PTPRJ: variants seen among roughly 807,000 people sequenced by gnomAD.
PTPRJ encodes the protein receptor-type tyrosine-protein phosphatase eta.
Under a neutral mutation model 141.3 loss-of-function variants are expected in PTPRJ, and 129 were observed. That is an observed-to-expected ratio of 0.91 (90% CI 0.79 to 1.06). The LOEUF is 1.06. PTPRJ is among the 50% of genes least tolerant of loss of function. The pLI is 0.00. For missense variants in PTPRJ, 1,601 were observed against 1,679.7 expected (o/e 0.95, Z 0.82); for synonymous variants, 610 against 640.5 (o/e 0.95, Z 0.72).
chr11:48,086,137 G>C (rs1855700928), intron 1 of PTPRJ, among the ~76,000 whole-genome samples: 1 of 152,146 alleles, frequency 6.6e-6, no homozygotes, highest in African/African-American at 2.4e-5. Flanking sequence ...GCTGAACAAG[G>C]GTTGCCTGTG....
chr11:48,137,432 C>A (rs1857130948), intron 10 of PTPRJ, 151 bp downstream of exon 10: 2 of 764,676 alleles, frequency 2.6e-6, no homozygotes, highest in Non-Finnish European at 4.2e-6. Context: ...CTTATCGGTG[C>A]TGTCTCGATG....
intron 1 of PTPRJ, among the ~76,000 whole-genome samples, chr11:47,994,095 C>T (rs896454358): frequency 2.0e-5 from 3 of 151,316 alleles, no homozygotes; most frequent in Non-Finnish European, 4.4e-5. Context: ...TCTTGAGCTC[C>T]GGCAATCCAC....
At chr11:48,028,819 T>C (rs1379429609) in intron 1 of PTPRJ, among the ~76,000 whole-genome samples, 3 of 152,010 alleles carry the variant, frequency 2.0e-5, no homozygotes, top group Non-Finnish European at 4.4e-5. Context: ...CAAAAAACCT[T>C]GTGTGGGTGA....
intron 1 of PTPRJ, among the ~76,000 whole-genome samples, chr11:48,073,768 A>G (rs570294051): frequency 2.4e-3 from 365 of 151,586 alleles, no homozygotes; most frequent in Non-Finnish European, 4.7e-3. Context: ...AAAAATTTCT[A>G]TGTATATGTG....
At position 48,121,003 on chromosome 11, in the gene PTPRJ, G is replaced by T; in HGVS notation, c.353G>T (p.Gly118Val). Residue 118 changes from glycine (G) to valine (V), a missense_variant and splice_region_variant, in exon 4 of 25, where the codon GGG becomes GTG. Physicochemically the swap from Gly to Val is moderately radical, Grantham distance 109. Transcript: ENST00000418331. ...TTTTTTTTTTTTTTTAACAATATAG[G>T]GCCCAGTCCTGTGTTTGACATTAAA... The part of the protein sequence containing the change: ...GASQKTPSST[G>V]PSPVFDIKAV... The T allele has an allele frequency of 6.3e-7, 1 of 1,576,066 alleles. No individual in the cohort carries two copies. The highest frequency in any genetic ancestry group is 8.6e-7 in the Non-Finnish European group (1 of 1,160,606).
At chr11:48,046,889 C>CATATAT (rs1243672838) in intron 1 of PTPRJ, among the ~76,000 whole-genome samples, 34 of 76,906 alleles carry the variant, frequency 4.4e-4, no homozygotes, top group South Asian at 9.3e-4. Flanking sequence ...AATATGTTTA[C>CATATAT]ATATATATAT....
intron 1 of PTPRJ, among the ~76,000 whole-genome samples, chr11:48,009,167 G>A (rs1283612051): frequency 2.0e-5 from 3 of 152,176 alleles, no homozygotes; most frequent in African/African-American, 4.8e-5. Flanking sequence ...AGTATTGAGC[G>A]GTGGAGGATT....
chr11:48,048,650 C>T (rs977952917), intron 1 of PTPRJ, among the ~76,000 whole-genome samples: 3 of 151,956 alleles, frequency 2.0e-5, no homozygotes, highest in Non-Finnish European at 2.9e-5. Context: ...AAAAATTAAC[C>T]GGGTGTGATG....
intron 8 of PTPRJ, chr11:48,132,820 GTCAC>G: frequency 1.5e-6 from 1 of 675,882 alleles, no homozygotes; most frequent in Non-Finnish European, 1.8e-6. Context: ...AGCACCGATA[GTCAC>G]TCAGAGGATC....
In PTPRJ at chr11:48,098,668, G is replaced by C. The variant is rs547801920; in HGVS notation, c.97-11390G>C. Among the ~76,000 whole-genome samples, 457 of 60,736 alleles carry C rather than the reference G, an allele frequency of 7.5e-3. 123 individuals are homozygous for C. Among genetic ancestry groups the C allele is most frequent in the African/African-American group, 0.017 (443 of 26,454 alleles). The allele number at this position is 60,736 out of a possible 152,430, so 39.8% of individuals were successfully genotyped here. On this transcript the variant is annotated intron_variant, in intron 1 of 24. Coordinates refer to ENST00000418331, the MANE Select transcript of PTPRJ (RefSeq NM_002843.4). ...CCTGTGTAGCTGGGACTACAGGCAC[G>C]CGCCACCATGCCCGGCTAATTTTTG...
intron 15 of PTPRJ, among the ~76,000 whole-genome samples, chr11:48,147,286 C>T (rs1373433495): frequency 6.6e-6 from 1 of 152,200 alleles, no homozygotes; most frequent in African/African-American, 2.4e-5. Flanking sequence ...TAAGTTTGAA[C>T]ACCAGCTCTG....
intron 1 of PTPRJ, among the ~76,000 whole-genome samples, chr11:48,053,954 C>T (rs191571681): frequency 6.2e-5 from 7 of 113,072 alleles, no homozygotes; most frequent in Non-Finnish European, 8.8e-5. Context: ...TTTTTTGAGA[C>T]GAAGTTTCAC....
intron 1 of PTPRJ, among the ~76,000 whole-genome samples, chr11:48,019,277 G>T (rs144687589): frequency 2.8e-4 from 43 of 152,234 alleles, no homozygotes; most frequent in Non-Finnish European, 4.3e-4. Flanking sequence ...GAAGCATCCC[G>T]CCCTTCTGGT....
intron 1 of PTPRJ, among the ~76,000 whole-genome samples, chr11:47,995,111 T>C (rs1854298738): frequency 6.6e-6 from 1 of 152,244 alleles, no homozygotes; most frequent in Non-Finnish European, 1.5e-5. Flanking sequence ...ATTAGTCTTA[T>C]AGTTTGTTTT....
chr11:48,135,049 G>A (rs886715427), intron 8 of PTPRJ, among the ~76,000 whole-genome samples: 5 of 151,900 alleles, frequency 3.3e-5, no homozygotes, highest in Admixed American at 1.3e-4. Context: ...TATACATACC[G>A]AAAAGGGATG....
rs1006136207 is a variant in PTPRJ, at chr11:48,169,605, A to G, written c.*2243A>G. 1 of 152,192 alleles carries G rather than the reference A, an allele frequency of 6.6e-6. No homozygotes were observed. The highest frequency in any genetic ancestry group is 1.5e-5 in the Non-Finnish European group (1 of 68,052). 9.4% of individuals were successfully genotyped at this position (152,192 alleles called of 1,614,324 possible). A position where few individuals can be genotyped will look rare whatever the true frequency, so the allele number is the denominator to read the frequency against. On this transcript the variant is annotated 3_prime_UTR_variant, in exon 25 of 25. Transcript: ENST00000418331. ...CTCCAATATGTCCGAAACCATTGTG[A>G]TGGGTGGCAAATCCCAGGGAGCTCC...
intron 1 of PTPRJ, among the ~76,000 whole-genome samples, chr11:48,006,688 T>G (rs1345591037): frequency 6.6e-6 from 1 of 152,152 alleles, no homozygotes; most frequent in Admixed American, 6.5e-5. Flanking sequence ...TCTTTCTGGG[T>G]CTTAAAGGTC....
chr11:47,983,785 G>A (rs1488712181), intron 1 of PTPRJ, among the ~76,000 whole-genome samples: 1 of 151,960 alleles, frequency 6.6e-6, no homozygotes, highest in Non-Finnish European at 1.5e-5. Flanking sequence ...GCTTGATGTG[G>A]GCTGATTTTA....
chr11:48,099,642 C>G (rs1856104476), intron 1 of PTPRJ, among the ~76,000 whole-genome samples: 1 of 152,124 alleles, frequency 6.6e-6, no homozygotes, highest in Non-Finnish European at 1.5e-5. Flanking sequence ...GATCTCCTAT[C>G]TGATGCTCAG....
Sources: allele counts gnomAD v4.1 joint callset (sites outside exome capture counted in the v4.1 genomes callset), GRCh38; gene constraint gnomAD v4.1.1; transcripts MANE v1.5; gene names NCBI Gene and HGNC (gene_info 2026-07-23, HGNC 2026-07-21).